The following PKIB variants were observed in gnomAD, a reference collection of about 807,000 sequenced individuals.
PKIB encodes cAMP-dependent protein kinase inhibitor beta, also known as PKI-beta.
Under a neutral mutation model 4.5 loss-of-function variants are expected in PKIB, and 2 were observed. The observed-to-expected ratio is 0.44, with a 90% confidence interval of 0.18 to 1.39. The LOEUF (loss-of-function observed/expected upper bound fraction) is 1.39, where lower values mean the gene tolerates loss of function less well. Ranked by LOEUF, PKIB falls within the 40% of genes most tolerant of loss-of-function variation. The pLI is 0.27. For synonymous variants in PKIB, 38 were observed against 36.0 expected, an observed-to-expected ratio of 1.06 and a Z score of -0.20; for missense variants, 94 against 92.6, an observed-to-expected ratio of 1.02 and a Z score of -0.06.
intron 2 of PKIB, among the ~76,000 whole-genome samples, chr6:122,576,710 A>ATATATATATTT (rs59569106): frequency 3.2e-4 from 35 of 109,976 alleles, no homozygotes; most frequent in East Asian, 9.6e-4. Context: ...ATATATATAT[A>ATATATATATTT]TTTTCTTTTG....
At position 122,690,032 on chromosome 6, in the gene PKIB, T is replaced by A. The variant is rs375824899; in HGVS notation, c.-9+14888T>A. 4.1e-5 allele frequency among the ~76,000 whole-genome samples: 6 copies of A among 145,228 alleles called. No individual in the cohort carries two copies. In the South Asian group the frequency reaches 8.6e-4, roughly 21 times the overall value. On this transcript the variant is annotated intron_variant, in intron 3 of 4. Coordinates refer to ENST00000368452, the MANE Select transcript of PKIB (RefSeq NM_181795.3). ...CCTTTGTTTCTTCCTATAGTTTTTG[T>A]CTTGAAGTACATTTTTTTTGATATA...
intron 3 of PKIB, among the ~76,000 whole-genome samples, chr6:122,710,668 G>A (rs1239638933): frequency 6.6e-6 from 1 of 152,152 alleles, no homozygotes; most frequent in East Asian, 1.9e-4. Flanking sequence ...CACTGCTCAC[G>A]TGGTAAAGGT....
intron 1 of PKIB, among the ~76,000 whole-genome samples, chr6:122,620,868 A>G (rs1375834190): frequency 6.6e-6 from 1 of 152,072 alleles, no homozygotes. Flanking sequence ...TCCCTATTTT[A>G]GTTGCAGCAA....
intron 4 of PKIB, among the ~76,000 whole-genome samples, chr6:122,722,966 CCTCTTGCACGAT>C (rs1381468451): frequency 6.6e-6 from 1 of 151,992 alleles, no homozygotes; most frequent in Non-Finnish European, 1.5e-5. Context: ...TCTTAGCCAT[CCTCTTGCACGAT>C]CTCTTAGTCA....
chr6:122,576,710 A>ATAAATATATATT (rs59569106), intron 2 of PKIB, among the ~76,000 whole-genome samples: 1 of 110,034 alleles, frequency 9.1e-6, no homozygotes. Context: ...ATATATATAT[A>ATAAATATATATT]TTTTCTTTTG....
intron 2 of PKIB, among the ~76,000 whole-genome samples, chr6:122,546,437 A>G (rs1433779327): frequency 6.6e-6 from 1 of 152,100 alleles, no homozygotes; most frequent in Non-Finnish European, 1.5e-5. Context: ...GCCACAGCTT[A>G]GTTTGCAACA....
chr6:122,538,273 T>G (rs1394263764), intron 2 of PKIB, among the ~76,000 whole-genome samples: 1 of 152,134 alleles, frequency 6.6e-6, no homozygotes, highest in Non-Finnish European at 1.5e-5. Context: ...TCCTGAATGG[T>G]ATTGCCTAGG....
chr6:122,521,899 A>T (rs890980720), intron 2 of PKIB, among the ~76,000 whole-genome samples: 1 of 151,958 alleles, frequency 6.6e-6, no homozygotes, highest in Non-Finnish European at 1.5e-5. Flanking sequence ...GTCCTTGTCA[A>T]TTTCCGATGG....
chr6:122,678,156 C>G (rs1777760633), intron 3 of PKIB, among the ~76,000 whole-genome samples: 3 of 152,110 alleles, frequency 2.0e-5, no homozygotes, highest in African/African-American at 7.2e-5. Flanking sequence ...CCTCGGCCTC[C>G]CAAAGTGCTG....
intron 1 of PKIB, among the ~76,000 whole-genome samples, chr6:122,619,508 T>G (rs1201259706): frequency 6.6e-6 from 1 of 152,076 alleles, no homozygotes; most frequent in African/African-American, 2.4e-5. Context: ...CCCCCGCACC[T>G]GCCTTGGAAC....
intron 2 of PKIB, among the ~76,000 whole-genome samples, chr6:122,580,102 G>A (rs1773661260): frequency 6.6e-6 from 1 of 151,980 alleles, no homozygotes; most frequent in African/African-American, 2.4e-5. Context: ...TTTGACCTGT[G>A]TTGCTAGTTT....
intron 2 of PKIB, among the ~76,000 whole-genome samples, chr6:122,581,397 G>A (rs1366130824): frequency 1.3e-5 from 2 of 151,976 alleles, no homozygotes; most frequent in Non-Finnish European, 2.9e-5. Context: ...ACTTATGATT[G>A]TTAGTTATTA....
chr6:122,634,792 A>C (rs1242204238), intron 2 of PKIB, among the ~76,000 whole-genome samples: 1 of 152,152 alleles, frequency 6.6e-6, no homozygotes, highest in African/African-American at 2.4e-5. Context: ...ATACAAAAAA[A>C]TTAGCCGGGT....
At chr6:122,647,276 ATCT>A (rs1323173328) in intron 2 of PKIB, among the ~76,000 whole-genome samples, 2 of 152,192 alleles carry the variant, frequency 1.3e-5, no homozygotes, top group Non-Finnish European at 2.9e-5. Flanking sequence ...ATTGAGGATA[ATCT>A]TCTTCACTTA....
chr6:122,525,591 G>A (rs543280426), intron 2 of PKIB, among the ~76,000 whole-genome samples: 1 of 152,272 alleles, frequency 6.6e-6, no homozygotes, highest in East Asian at 1.9e-4. Context: ...CAGCACATAT[G>A]TTATGTTAAC....
At chr6:122,707,544 G>A (rs1043289454) in intron 3 of PKIB, among the ~76,000 whole-genome samples, 10 of 151,886 alleles carry the variant, frequency 6.6e-5, no homozygotes, top group Non-Finnish European at 1.3e-4. Flanking sequence ...TTATTTATCC[G>A]ATTAAAGAAA....
chr6:122,720,241 G>A (rs1277665150), intron 4 of PKIB, among the ~76,000 whole-genome samples: 1 of 152,046 alleles, frequency 6.6e-6, no homozygotes, highest in Non-Finnish European at 1.5e-5. Context: ...GATTTCAAGT[G>A]TTTTGCATGC....
At chr6:122,626,597 T>C (rs924130142) in intron 1 of PKIB, among the ~76,000 whole-genome samples, 1 of 152,200 alleles carries the variant, frequency 6.6e-6, no homozygotes, top group Non-Finnish European at 1.5e-5. Context: ...CCCACAGCCT[T>C]CCAGGAAGAG....
intron 2 of PKIB, among the ~76,000 whole-genome samples, chr6:122,534,504 C>A (rs965447378): frequency 4.6e-5 from 7 of 151,998 alleles, no homozygotes; most frequent in Admixed American, 1.3e-4. Flanking sequence ...ACAGTAAAGA[C>A]CCTGGAAACA....
Sources: allele counts gnomAD v4.1 joint callset (sites outside exome capture counted in the v4.1 genomes callset), GRCh38; gene constraint gnomAD v4.1.1; transcripts MANE v1.5; gene names NCBI Gene and HGNC (gene_info 2026-07-23, HGNC 2026-07-21).